The following SSH1 variants were observed in gnomAD, a reference collection of about 807,000 sequenced individuals.
SSH1 encodes the protein slingshot protein phosphatase 1.
In SSH1, 43 loss-of-function variants were observed where a neutral mutation model predicts 79.7. The observed-to-expected ratio is 0.54, with a 90% CI of 0.42 to 0.70. The LOEUF (loss-of-function observed/expected upper bound fraction) is 0.70, where lower values mean the gene tolerates loss of function less well. Ranked by LOEUF, SSH1 falls within the 30% of genes least tolerant of loss-of-function variation. The pLI is 0.00. For missense variants in SSH1, 1,206 were observed against 1,358.8 expected (o/e 0.89, Z 1.77); for synonymous variants, 599 against 538.3 (o/e 1.11, Z -1.56).
Position 108,857,550 on chromosome 12 carries a change from G to T in SSH1, c.-54C>A. The T allele has an allele frequency of 1.0e-6, 1 of 998,824 alleles. No individual in the cohort carries two copies. Among genetic ancestry groups the T allele is most frequent in the South Asian group, 3.3e-5 (1 of 30,048 alleles). 61.9% of individuals were successfully genotyped at this position (998,824 alleles called of 1,614,324 possible). A position where few individuals can be genotyped will look rare whatever the true frequency, so the allele number is the denominator to read the frequency against. On this transcript the variant is annotated 5_prime_UTR_variant, in exon 1 of 15. Coordinates refer to ENST00000326495, the MANE Select transcript of SSH1 (RefSeq NM_018984.4). The surrounding 1 kb of genome is among the most constrained non-coding windows in gnomAD (Gnocchi z 4.7). ...GACGTCTCGAGCTAGAGCCGCCACC[G>T]CCACCGCCGCCCGGGCCGGGCCCGG...
chr12:108,831,939 T>A (rs978176736), intron 2 of SSH1, among the ~76,000 whole-genome samples: 1 of 152,212 alleles, frequency 6.6e-6, no homozygotes, highest in African/African-American at 2.4e-5. Flanking sequence ...GGTTGAGACA[T>A]CGCACTGTCA....
At chr12:108,791,919 T>C in intron 14 of SSH1, 1 of 1,311,432 alleles carries the variant, frequency 7.6e-7, no homozygotes, top group East Asian at 2.8e-5. Flanking sequence ...CGATAAAGGC[T>C]GAAGTTGGCT....
At chr12:108,823,186 C>G (rs2038187217) in intron 3 of SSH1, 72 bp downstream of exon 3, 2 of 1,437,438 alleles carry the variant, frequency 1.4e-6, no homozygotes, top group Admixed American at 3.9e-5. Flanking sequence ...AGCAACATCA[C>G]CAACAATGGA....
intron 2 of SSH1, among the ~76,000 whole-genome samples, chr12:108,849,419 T>C (rs1381129532): frequency 6.6e-6 from 1 of 151,748 alleles, no homozygotes; most frequent in African/African-American, 2.4e-5. Flanking sequence ...TAGCCAGGTG[T>C]GGTGGCGCAC....
intron 1 of SSH1, among the ~76,000 whole-genome samples, chr12:108,856,787 G>A (rs918856632): frequency 3.3e-5 from 5 of 152,332 alleles, no homozygotes; most frequent in Middle Eastern, 3.4e-3. Context: ...CAGGCATACA[G>A]GCAAAGGGCC....
chr12:108,817,081 C>T lies in SSH1; in HGVS notation c.358G>A (p.Glu120Lys), dbSNP rs753622095. The T allele has an allele frequency of 8.7e-6, 14 of 1,614,196 alleles. No homozygotes were observed. The highest frequency in any genetic ancestry group is 1.6e-4 in the Middle Eastern group (1 of 6,062). ...TCCACTCCCAGCAAGATATTCTCCT[C>T]GGTGTCCTGGCGCCCGCTGCTGTAC... is the stretch of plus-strand genomic sequence containing the variant. ...VVYSSGRQDTEENILLGVDFS... is the reference protein window; with the variant it reads ...VVYSSGRQDTKENILLGVDFS... Residue 120 changes from glutamate (E) to lysine (K), a missense_variant, in exon 5 of 15, where the codon GAG (glutamate) becomes AAG (lysine). Glu to Lys is a moderately conservative substitution (Grantham distance 56). Coordinates refer to ENST00000326495, the MANE Select transcript of SSH1 (RefSeq NM_018984.4).
intron 8 of SSH1, among the ~76,000 whole-genome samples, chr12:108,806,739 G>C (rs1379839074): frequency 5.3e-5 from 8 of 152,178 alleles, no homozygotes; most frequent in Admixed American, 5.2e-4. Flanking sequence ...GTGGGCATGA[G>C]GACCTCACTG....
rs1320471067 is a variant in SSH1, at chr12:108,804,921, T to C, written c.954+135A>G. On this transcript the variant is annotated intron_variant, in intron 10 of 14. Coordinates refer to ENST00000326495, the MANE Select transcript of SSH1 (RefSeq NM_018984.4). ...AGAAGGGGCCAAAGAGGGGAGCTCC[T>C]GCCAGCCAGGATGGAGGCTCTGGCA... 3.7e-6 allele frequency: 4 copies of C among 1,080,828 alleles called. No homozygotes were observed. The East Asian group carries it at 9.5e-5, about 26-fold the overall frequency. The allele number at this position is 1,080,828 out of a possible 1,614,324, so 67.0% of individuals were successfully genotyped here. A position where few individuals can be genotyped will look rare whatever the true frequency, so the allele number is the denominator to read the frequency against.
intron 2 of SSH1, among the ~76,000 whole-genome samples, chr12:108,832,931 A>G (rs987601219): frequency 6.6e-6 from 1 of 152,208 alleles, no homozygotes; most frequent in Non-Finnish European, 1.5e-5. Context: ...ACTTAGGGAA[A>G]GGGGTCACAG....
At position 108,836,035 on chromosome 12, in the gene SSH1, ATT is replaced by A. The variant is rs1422020698; in HGVS notation, c.111-12676_111-12675del. 3.0e-3 allele frequency among the ~76,000 whole-genome samples: 427 copies of A among 144,730 alleles called. 9 individuals carry two copies. Among genetic ancestry groups the A allele is most frequent in the Admixed American group, 0.016 (237 of 14,436 alleles). The allele number at this position is 144,730 out of a possible 152,430, so 94.9% of individuals were successfully genotyped here. A position where few individuals can be genotyped will look rare whatever the true frequency, so the allele number is the denominator to read the frequency against. On this transcript the variant is annotated intron_variant, in intron 2 of 14. Transcript: ENST00000326495. ...TAACTATATTAATATAATCGATTAT[ATT>A]AATATTAATATAATCAATATTAACA... is the stretch of plus-strand genomic sequence containing the variant.
intron 9 of SSH1, among the ~76,000 whole-genome samples, chr12:108,806,092 G>A (rs1308684265): frequency 2.6e-5 from 4 of 152,188 alleles, no homozygotes; most frequent in Non-Finnish European, 4.4e-5. Context: ...TCTCATAGCC[G>A]ATAAGCGGCA....
rs534764209 is a variant in SSH1 at position 108,781,181 on chromosome 12, G to A, written c.*6807C>T. 2.0e-5 allele frequency: 3 copies of A among 152,354 alleles called. No individual in the cohort carries two copies. Among genetic ancestry groups the A allele is most frequent in the East Asian group, 1.9e-4 (1 of 5,194 alleles). 9.4% of individuals were successfully genotyped at this position (152,354 alleles called of 1,614,324 possible). A position where few individuals can be genotyped will look rare whatever the true frequency, so the allele number is the denominator to read the frequency against. ...TGCCTATAATCTCAACACTTTGGGA[G>A]GCTGAGGCAGGAGGATCATCAGAAA... On this transcript the variant is annotated 3_prime_UTR_variant, in exon 15 of 15. Transcript: ENST00000326495.
rs1227603200 is a variant in SSH1, at chr12:108,785,526, C to CAA, written c.*2461_*2462insTT. 6.6e-6 allele frequency: 1 copy of CAA among 152,170 alleles called. No homozygotes were observed. The highest frequency in any genetic ancestry group is 1.5e-5 in the Non-Finnish European group (1 of 68,038). The allele number at this position is 152,170 out of a possible 1,614,324, so 9.4% of individuals were successfully genotyped here. Reference sequence around the variant, plus strand: ...CTTTTCTCCAGGCCAGGCTATTAAGCATCAAGTCCAGAATGCTTCACTCTG... The same window carrying CAA: ...CTTTTCTCCAGGCCAGGCTATTAAGCAAATCAAGTCCAGAATGCTTCACTCTG... On this transcript the variant is annotated 3_prime_UTR_variant, in exon 15 of 15. Transcript: ENST00000326495.
At chr12:108,845,983 A>G (rs916875652) in intron 2 of SSH1, among the ~76,000 whole-genome samples, 1 of 152,212 alleles carries the variant, frequency 6.6e-6, no homozygotes, top group African/African-American at 2.4e-5. Context: ...TCTGCAGGGC[A>G]ATGACATGCC....
intron 2 of SSH1, among the ~76,000 whole-genome samples, chr12:108,842,140 AAG>A (rs936395723): frequency 1.6e-4 from 24 of 152,164 alleles, no homozygotes; most frequent in Non-Finnish European, 2.8e-4. Context: ...AAAAGAAGAA[AAG>A]AGAGAGAGAG....
intron 10 of SSH1, among the ~76,000 whole-genome samples, chr12:108,803,656 G>A (rs906244908): frequency 2.0e-5 from 3 of 152,100 alleles, no homozygotes; most frequent in Non-Finnish European, 2.9e-5. Context: ...AACATAACGC[G>A]AGTGCCGCTG....
rs578122222 is a variant in SSH1 at position 108,800,803 on chromosome 12, C to G, written c.1125G>C (p.Ala375=). The change falls in exon 12 of 15, where the codon GCG becomes GCC. Residue 375 remains alanine, a synonymous_variant. Coordinates refer to ENST00000326495, the MANE Select transcript of SSH1 (RefSeq NM_018984.4). ...TTDLLAHWNE[A]YHFINKAKRN... ...ACTTCGCTTTGTTTATAAAATGATA[C>G]GCTTCATTCCAGTGGGCGAGGAGGT... 2 of 1,614,120 alleles carry G rather than the reference C, an allele frequency of 1.2e-6. No individual in the cohort carries two copies. The highest frequency in any genetic ancestry group is 4.5e-5 in the East Asian group (2 of 44,892).
intron 11 of SSH1, among the ~76,000 whole-genome samples, chr12:108,801,809 A>G (rs1011816520): frequency 2.6e-5 from 4 of 151,564 alleles, no homozygotes; most frequent in Admixed American, 6.6e-5. Context: ...ATCCCTGCTG[A>G]GTGTTTGTCA....
rs1457897807 is a variant in SSH1 at position 108,787,947 on chromosome 12, A to G, written c.*41T>C. 6.2e-7 allele frequency: 1 copy of G among 1,612,398 alleles called. No homozygotes were observed. The highest frequency in any genetic ancestry group is 8.5e-7 in the Non-Finnish European group (1 of 1,178,608). On this transcript the variant is annotated 3_prime_UTR_variant, in exon 15 of 15. Transcript: ENST00000326495. ...CCACAGTGAAAGTGAGGGAGGGATCATATGAAAATATCCGCCCAGCCTGAC... is the reference window on the plus strand; with the variant it reads ...CCACAGTGAAAGTGAGGGAGGGATCGTATGAAAATATCCGCCCAGCCTGAC...
Sources: allele counts gnomAD v4.1 joint callset (sites outside exome capture counted in the v4.1 genomes callset), GRCh38; gene constraint gnomAD v4.1.1; non-coding constraint Gnocchi (gnomAD v3.1); transcripts MANE v1.5; gene names NCBI Gene and HGNC (gene_info 2026-07-23, HGNC 2026-07-21).